Variants in MUC5AC observed in about 807,000 individuals in gnomAD.
MUC5AC encodes mucin 5AC, oligomeric mucus/gel-forming.
Under a neutral mutation model 169.7 loss-of-function variants are expected in MUC5AC, and 158 were observed. The observed-to-expected ratio is 0.93, with a 90% CI of 0.82 to 1.06. MUC5AC has a LOEUF of 1.06. Ranked by LOEUF, MUC5AC falls within the 50% of genes least tolerant of loss-of-function variation. MUC5AC has a pLI of 0.00. For missense variants in MUC5AC, 4,359 were observed against 3,089.9 expected (o/e 1.41, Z -9.74); for synonymous variants, 1,975 against 1,237.0 (o/e 1.60, Z -12.52).
In MUC5AC at chr11:1,189,366, A is replaced by G. The variant is rs1233670169; in HGVS notation, c.11221A>G (p.Thr3741Ala). The G allele has an allele frequency of 1.6e-5, 9 of 573,248 alleles. No homozygotes were observed. The highest frequency in any genetic ancestry group is 1.1e-4 in the East Asian group (4 of 35,680). The allele number at this position is 573,248 out of a possible 1,614,324, so 35.5% of individuals were successfully genotyped here. A position where few individuals can be genotyped will look rare whatever the true frequency, so the allele number is the denominator to read the frequency against. ...APTTSTISAPTTSTISAPTTS... is the reference protein window; with the variant it reads ...APTTSTISAPATSTISAPTTS... ...TACCACCAGCACAATCTCTGCCCCT[A>G]CAACCAGCACAATCTCTGCCCCTAC... Residue 3741 changes from threonine (T) to alanine (A), a missense_variant, in exon 31 of 49, where the codon ACA becomes GCA. Transcript: ENST00000621226.
At position 1,194,992 on chromosome 11, in the gene MUC5AC, C is replaced by T; in HGVS notation, c.15191-20C>T. 2 of 711,054 alleles carry T rather than the reference C, an allele frequency of 2.8e-6. No homozygotes were observed. The highest frequency in any genetic ancestry group is 4.6e-4 in the Middle Eastern group (2 of 4,350). 44.0% of individuals were successfully genotyped at this position (711,054 alleles called of 1,614,324 possible). On this transcript the variant is annotated intron_variant, in intron 35 of 48. Transcript: ENST00000621226. ...CCGGCTCTGCTGTCCAGCAGCCTGA[C>T]CCCCACCGCGTCTGCCCAGGCACTT...
Position 1,186,077 on chromosome 11 carries a change from A to C in MUC5AC, c.7932A>C (p.Thr2644=). Residue 2644 remains threonine, a synonymous_variant, in exon 31 of 49, where the codon ACA becomes ACC. Coordinates refer to ENST00000621226, the MANE Select transcript of MUC5AC (RefSeq NM_001304359.2). ...TTPSPVPTAS[T]TSASTTSTTS... ...CCAGCCCTGTTCCTACCGCCAGCAC[A>C]ACCTCTGCTTCTACAACTAGCACAA... 1 of 745,326 alleles carries C rather than the reference A, an allele frequency of 1.3e-6. No individual in the cohort carries two copies. Among genetic ancestry groups the C allele is most frequent in the South Asian group, 1.4e-5 (1 of 71,718 alleles). The allele number at this position is 745,326 out of a possible 1,614,324, so 46.2% of individuals were successfully genotyped here.
chr11:1,168,587 G>T, intron 13 of MUC5AC, 35 bp downstream of exon 13: 2 of 1,612,438 alleles, frequency 1.2e-6, no homozygotes, highest in South Asian at 1.1e-5. Flanking sequence ...CCCCGGGGCT[G>T]CCTGGGGTCC....
intron 15 of MUC5AC, among the ~76,000 whole-genome samples, chr11:1,171,467 C>A (rs1445229177): frequency 0.023 from 2,037 of 88,816 alleles, no homozygotes; most frequent in Non-Finnish European, 0.029. Flanking sequence ...CCATTCACCC[C>A]CTCACTCACC....
intron 15 of MUC5AC, among the ~76,000 whole-genome samples, chr11:1,169,674 A>AC: frequency 7.6e-6 from 1 of 132,150 alleles, no homozygotes; most frequent in Admixed American, 7.6e-5. Flanking sequence ...TCACCCACTC[A>AC]CTCACCCATT....
rs776963247 is a variant in MUC5AC at position 1,195,141 on chromosome 11, C to A, written c.15320C>A (p.Pro5107Gln). ...CAGCCAGCCTGCCACCGGCCTCACCCGACGCCCACCACGGTCGGGCCCACC... is the reference window on the plus strand; with the variant it reads ...CAGCCAGCCTGCCACCGGCCTCACCAGACGCCCACCACGGTCGGGCCCACC... The part of the protein sequence containing the change: ...PDQPACHRPH[P>Q]TPTTVGPTTV... The change falls in exon 36 of 49, where the codon CCG (proline) becomes CAG (glutamine). Residue 5107 changes from proline (P) to glutamine (Q), a missense_variant. By Grantham distance (76) the Pro-to-Gln change is moderately conservative. Coordinates refer to ENST00000621226, the MANE Select transcript of MUC5AC (RefSeq NM_001304359.2). 1 of 761,680 alleles carries A rather than the reference C, an allele frequency of 1.3e-6. No homozygotes were observed. Among genetic ancestry groups the A allele is most frequent in the South Asian group, 1.3e-5 (1 of 74,538 alleles). 47.2% of individuals were successfully genotyped at this position (761,680 alleles called of 1,614,324 possible).
At chr11:1,164,039 T>C in intron 7 of MUC5AC, 48 bp downstream of exon 7, 1 of 1,608,918 alleles carries the variant, frequency 6.2e-7, no homozygotes, top group Admixed American at 1.7e-5. Flanking sequence ...GCAGGAGGGG[T>C]TGTGAGCCTG....
chr11:1,192,613 G>T, intron 31 of MUC5AC, 88 bp downstream of exon 31: 1 of 713,774 alleles, frequency 1.4e-6, no homozygotes, highest in Non-Finnish European at 2.6e-6. Flanking sequence ...GATGATAGGA[G>T]TCTCTGCTCT....
At chr11:1,196,141 G>A (rs1832394268) in intron 37 of MUC5AC, 87 bp downstream of exon 37, 1 of 644,030 alleles carries the variant, frequency 1.6e-6, no homozygotes. Context: ...GGCTCGGGCA[G>A]TCAGGGGGGG....
Position 1,185,250 on chromosome 11 carries a change from A to G in MUC5AC, c.7105A>G (p.Thr2369Ala). 4.3e-6 allele frequency: 3 copies of G among 703,108 alleles called. No individual in the cohort carries two copies. The highest frequency in any genetic ancestry group is 5.4e-5 in the East Asian group (2 of 37,054). The allele number at this position is 703,108 out of a possible 1,614,324, so 43.6% of individuals were successfully genotyped here. Residue 2369 changes from threonine (T) to alanine (A), a missense_variant, in exon 31 of 49, where the codon ACA becomes GCA. Transcript: ENST00000621226. ...APTTSTTSAP[T>A]TSTTSARTSS... ...TACAACCAGCACAACCTCTGCTCCT[A>G]CAACCAGCACAACCTCTGCCCGTAC...
rs1860805213 is a variant in MUC5AC, at chr11:1,181,028, AACTCCACCC to A, written c.3777-110_3777-102del. On this transcript the variant is annotated intron_variant, in intron 28 of 48. Transcript: ENST00000621226. ...TGGGGGTGCAATGCAGTTCCCAGGG[AACTCCACCC>A]CTGTCGGAGCTGCTCCCTGCCCGCC... 1.3e-3 allele frequency: 499 copies of A among 398,232 alleles called. 2 individuals carry two copies. Among genetic ancestry groups the A allele is most frequent in the African/African-American group, 9.2e-3 (446 of 48,692 alleles). 24.7% of individuals were successfully genotyped at this position (398,232 alleles called of 1,614,324 possible). A position where few individuals can be genotyped will look rare whatever the true frequency, so the allele number is the denominator to read the frequency against.
chr11:1,199,423 A>C lies in MUC5AC; in HGVS notation c.16448A>C (p.Glu5483Ala). 1 of 732,408 alleles carries C rather than the reference A, an allele frequency of 1.4e-6. No homozygotes were observed. Among genetic ancestry groups the C allele is most frequent in the South Asian group, 1.4e-5 (1 of 69,642 alleles). The allele number at this position is 732,408 out of a possible 1,614,324, so 45.4% of individuals were successfully genotyped here. Residue 5483 changes from glutamate to alanine, a missense_variant, in exon 46 of 49, where the codon GAG becomes GCG. Glu to Ala is a moderately radical substitution (Grantham distance 107). Coordinates refer to ENST00000621226, the MANE Select transcript of MUC5AC (RefSeq NM_001304359.2). The part of the protein sequence containing the change: ...AGNHCVTHQC[E>A]KHQDGLVVVT... Reference sequence around the variant, plus strand: ...AACCACTGTGTGACCCACCAGTGTGAGAAGCACCAGGATGGGCTCGTGGTG... The same window carrying C: ...AACCACTGTGTGACCCACCAGTGTGCGAAGCACCAGGATGGGCTCGTGGTG...
At chr11:1,196,526 C>G in intron 38 of MUC5AC, 51 bp downstream of exon 38, 1 of 764,396 alleles carries the variant, frequency 1.3e-6, no homozygotes, top group Non-Finnish European at 2.4e-6. Flanking sequence ...GCCACCCAGT[C>G]CCCAGCCTCC....
intron 32 of MUC5AC, 128 bp downstream of exon 32, chr11:1,193,110 G>T: frequency 1.7e-6 from 1 of 595,222 alleles, no homozygotes; most frequent in Non-Finnish European, 3.0e-6. Flanking sequence ...CAGCCCGGCC[G>T]TCAGGAGAGG....
At position 1,165,361 on chromosome 11, in the gene MUC5AC, G is replaced by A. The variant is rs371703006; in HGVS notation, c.1189G>A (p.Val397Ile). Residue 397 changes from valine to isoleucine, a missense_variant, in exon 10 of 49, where the codon GTC (valine) becomes ATC (isoleucine). Coordinates refer to ENST00000621226, the MANE Select transcript of MUC5AC (RefSeq NM_001304359.2). The part of the protein sequence containing the change: ...GCVPVSKCAC[V>I]YNGAAYAPGA... ...TGTCCCTGTGTCAAAGTGTGCCTGC[G>A]TCTACAACGGGGCTGCCTATGCCCC... The A allele has an allele frequency of 4.4e-5, 71 of 1,612,358 alleles. No homozygotes were observed. Among genetic ancestry groups the A allele is most frequent in the African/African-American group, 6.7e-5 (5 of 74,946 alleles).
chr11:1,194,648 C>T lies in MUC5AC; in HGVS notation c.15168C>T (p.Ala5056=). Residue 5056 remains alanine (A), a synonymous_variant, in exon 35 of 49, where the codon GCC becomes GCT. Transcript: ENST00000621226. ...FSVEVPFSKF[A]NNTEGQCGTC... ...TGGAGGTGCCCTTCAGCAAGTTTGCCAACAACACCGAGGGCCAGTGCGGTG... is the reference window on the plus strand; with the variant it reads ...TGGAGGTGCCCTTCAGCAAGTTTGCTAACAACACCGAGGGCCAGTGCGGTG... 1 of 762,944 alleles carries T rather than the reference C, an allele frequency of 1.3e-6. No individual in the cohort carries two copies. The highest frequency in any genetic ancestry group is 1.3e-5 in the South Asian group (1 of 74,390). 47.3% of individuals were successfully genotyped at this position (762,944 alleles called of 1,614,324 possible).
rs1186770890 is a variant in MUC5AC at position 1,178,605 on chromosome 11, C to T, written c.3249C>T (p.Ala1083=). Residue 1083 remains alanine, a synonymous_variant, in exon 25 of 49, where the codon GCC becomes GCT. Coordinates refer to ENST00000621226, the MANE Select transcript of MUC5AC (RefSeq NM_001304359.2). ...DALAPKDPCT[A]NPFRKSWAQK... ...TGGCGCCCAAGGACCCCTGCACGGC[C>T]AACCCCTTCCGCAAGTCCTGGGCCC... 8 of 1,407,956 alleles carry T rather than the reference C, an allele frequency of 5.7e-6. No homozygotes were observed. The highest frequency in any genetic ancestry group is 7.5e-6 in the Non-Finnish European group (8 of 1,070,112). 87.2% of individuals were successfully genotyped at this position (1,407,956 alleles called of 1,614,324 possible). A position where few individuals can be genotyped will look rare whatever the true frequency, so the allele number is the denominator to read the frequency against.
intron 11 of MUC5AC, among the ~76,000 whole-genome samples, 152 bp downstream of exon 11, chr11:1,165,912 C>T (rs1029548434): frequency 2.6e-5 from 4 of 152,102 alleles, no homozygotes; most frequent in African/African-American, 7.2e-5. Flanking sequence ...CACTCCAGCT[C>T]CCCAGCGCTA....
Position 1,177,263 on chromosome 11 carries a change from C to G in MUC5AC, c.2826C>G (p.Asp942Glu), listed in dbSNP as rs1177606969. 4.6e-6 allele frequency: 2 copies of G among 430,986 alleles called. No individual in the cohort carries two copies. Among genetic ancestry groups the G allele is most frequent in the African/African-American group, 4.0e-5 (2 of 49,688 alleles). 26.7% of individuals were successfully genotyped at this position (430,986 alleles called of 1,614,324 possible). ...NHCGGKDSTQ[D>E]SFRVVTENVP... ...GTGGCGGGAAAGACAGCACCCAGGA[C>G]TCCTTTCGTGTTGTCACCGAGAACG... The change falls in exon 23 of 49, where the codon GAC becomes GAG. Residue 942 changes from aspartate (D) to glutamate (E), a missense_variant. Coordinates refer to ENST00000621226, the MANE Select transcript of MUC5AC (RefSeq NM_001304359.2).
Sources: gnomAD v4.1 joint callset for allele counts (sites outside exome capture counted in the v4.1 genomes callset) on GRCh38, gnomAD v4.1.1 for gene constraint, MANE v1.5 for transcripts, NCBI Gene and HGNC (gene_info 2026-07-23, HGNC 2026-07-21) for gene names.